The following TMEM255B variants were observed in gnomAD, a reference collection of about 807,000 sequenced individuals.
TMEM255B encodes transmembrane protein 255B, also known as family with sequence similarity 70, member B.
TMEM255B carries 35 observed loss-of-function variants against 34.5 expected under a neutral mutation model. The ratio of observed to expected loss-of-function variants is 1.01; its 90% CI spans 0.77 to 1.34. The LOEUF (loss-of-function observed/expected upper bound fraction) is 1.34, where lower values mean the gene tolerates loss of function less well. Among genes scored for constraint, TMEM255B ranks in the 40% most tolerant of loss-of-function variants. The probability of loss-of-function intolerance (pLI) is 0.00; values close to 1 mark genes in which losing one functional copy is unlikely to be tolerated. For missense variants in TMEM255B, 432 were observed against 433.2 expected (o/e 1.00, Z 0.02); for synonymous variants, 206 against 201.2 (o/e 1.02, Z -0.20).
At chr13:113,777,446 G>C (rs898776767) in intron 3 of TMEM255B, among the ~76,000 whole-genome samples, 3 of 152,178 alleles carry the variant, frequency 2.0e-5, no homozygotes, top group Non-Finnish European at 2.9e-5. Flanking sequence ...CAGTGGCGGA[G>C]GCTGCCAGCT....
At chr13:113,801,536 G>A in intron 6 of TMEM255B, 117 bp from the exon 7 acceptor site, 1 of 1,218,952 alleles carries the variant, frequency 8.2e-7, no homozygotes, top group Admixed American at 2.8e-5. Flanking sequence ...CGTTGACTGG[G>A]CTCCAGCCCT....
intron 4 of TMEM255B, 117 bp downstream of exon 4, chr13:113,795,354 C>T (rs541142736): frequency 2.8e-5 from 30 of 1,085,946 alleles, no homozygotes; most frequent in East Asian, 1.6e-4. Context: ...TCAGTCTCCA[C>T]GCTGGGGGTT....
chr13:113,812,084 G>A lies in TMEM255B; in HGVS notation c.*181G>A. ...AGGCTGGAACCAGGCAGGGAGTGGG[G>A]CCCTCCAGACCCAGGCTGGTGACAC... is the stretch of plus-strand genomic sequence containing the variant. On this transcript the variant is annotated 3_prime_UTR_variant, in exon 9 of 9. Transcript: ENST00000375353. The A allele has an allele frequency of 1.2e-5, 9 of 775,648 alleles. No homozygotes were observed. The South Asian group carries it at 1.7e-4, about 15-fold the overall frequency. 48.0% of individuals were successfully genotyped at this position (775,648 alleles called of 1,614,324 possible).
At position 113,773,318 on chromosome 13, in the gene TMEM255B, C is replaced by T. The variant is rs373430856; in HGVS notation, c.252+4158C>T. Among the ~76,000 whole-genome samples, 6 of 152,198 alleles carry T rather than the reference C, an allele frequency of 3.9e-5. 1 individual carries two copies. The East Asian group carries it at 1.2e-3, about 29-fold the overall frequency. On this transcript the variant is annotated intron_variant, in intron 3 of 8. Transcript: ENST00000375353. ...ACCCTGTGGAACTCATTTCTTTGTT[C>T]TAGTAGTTCTTTAAAAAATGGATTC...
intron 4 of TMEM255B, among the ~76,000 whole-genome samples, chr13:113,797,387 G>T (rs910942747): frequency 1.3e-5 from 2 of 152,214 alleles, no homozygotes; most frequent in Non-Finnish European, 2.9e-5. Flanking sequence ...GGGGAGATGC[G>T]TGCCTTCCAA....
intron 3 of TMEM255B, among the ~76,000 whole-genome samples, chr13:113,772,870 G>A (rs376668198): frequency 3.3e-5 from 5 of 152,108 alleles, no homozygotes; most frequent in East Asian, 3.9e-4. Flanking sequence ...TCAGGATTAC[G>A]TTGGCAATTC....
At chr13:113,761,523 A>G (rs553532816) in intron 1 of TMEM255B, among the ~76,000 whole-genome samples, 15 of 152,266 alleles carry the variant, frequency 9.9e-5, no homozygotes, top group African/African-American at 3.4e-4. Context: ...TAGAATTAGA[A>G]AAATCAGCGC....
intron 2 of TMEM255B, chr13:113,768,343 G>A (rs997633262): frequency 1.4e-5 from 6 of 437,626 alleles, no homozygotes; most frequent in African/African-American, 2.0e-5. Context: ...CTGCCAGGAC[G>A]GGCCCTGGGT....
intron 8 of TMEM255B, among the ~76,000 whole-genome samples, chr13:113,809,361 A>T (rs1303803143): frequency 5.1e-5 from 2 of 38,944 alleles, no homozygotes; most frequent in Non-Finnish European, 9.1e-5. Flanking sequence ...TCCTGGGGGG[A>T]GGGGTTACTC....
At position 113,814,233 on chromosome 13, in the gene TMEM255B, G is replaced by C. The variant is rs2051379699; in HGVS notation, c.*2330G>C. 6.6e-6 allele frequency: 1 copy of C among 152,266 alleles called. No homozygotes were observed. The highest frequency in any genetic ancestry group is 2.4e-5 in the African/African-American group (1 of 41,460). 9.4% of individuals were successfully genotyped at this position (152,266 alleles called of 1,614,324 possible). On this transcript the variant is annotated 3_prime_UTR_variant, in exon 9 of 9. Transcript: ENST00000375353. Reference sequence around the variant, plus strand: ...AGCAGAGAAGCTGAACTGCAGGTCTGGGCAGGGAGTCTATGCCCCCTGGAG... The same window carrying C: ...AGCAGAGAAGCTGAACTGCAGGTCTCGGCAGGGAGTCTATGCCCCCTGGAG...
At position 113,785,143 on chromosome 13, in the gene TMEM255B, A is replaced by G. The variant is rs368335412; in HGVS notation, c.253-10005A>G. Among the ~76,000 whole-genome samples, 70 of 130,428 alleles carry G rather than the reference A, an allele frequency of 5.4e-4. No individual in the cohort carries two copies. The East Asian group carries it at 0.012, about 22-fold the overall frequency. 85.6% of individuals were successfully genotyped at this position (130,428 alleles called of 152,430 possible). The stretch of plus-strand genomic sequence containing the variant: ...ATTTGTGGTTTATGGTCATGCTGAC[A>G]TTAGTCAGTAAGTTGATGTTTCTGG... On this transcript the variant is annotated intron_variant, in intron 3 of 8. Transcript: ENST00000375353.
chr13:113,760,581 G>C (rs1202478938), intron 1 of TMEM255B, among the ~76,000 whole-genome samples: 3 of 152,120 alleles, frequency 2.0e-5, no homozygotes, highest in East Asian at 3.9e-4. Context: ...GTGTGTCTGG[G>C]GTTGGATTAT....
At chr13:113,759,742 G>A (rs2050265366) in intron 1 of TMEM255B, among the ~76,000 whole-genome samples, 1 of 152,140 alleles carries the variant, frequency 6.6e-6, no homozygotes, top group African/African-American at 2.4e-5. Context: ...GGAAAACTTC[G>A]TTTGGAAGAG....
intron 3 of TMEM255B, among the ~76,000 whole-genome samples, chr13:113,790,150 A>AAG (rs1566733412): frequency 9.7e-6 from 1 of 102,718 alleles, no homozygotes; most frequent in Non-Finnish European, 2.1e-5. Flanking sequence ...GACCGGGCAC[A>AAG]TGGACATCCT....
At chr13:113,778,010 C>T (rs1405801151) in intron 3 of TMEM255B, among the ~76,000 whole-genome samples, 3 of 152,242 alleles carry the variant, frequency 2.0e-5, no homozygotes, top group Non-Finnish European at 4.4e-5. Context: ...GAGCCCACAG[C>T]TGCCTGTGCC....
At chr13:113,808,985 T>C (rs1236573568) in intron 8 of TMEM255B, among the ~76,000 whole-genome samples, 11 of 142,724 alleles carry the variant, frequency 7.7e-5, no homozygotes, top group Admixed American at 7.6e-4. Context: ...GGGAGATTAC[T>C]CTGGTTCCTG....
intron 8 of TMEM255B, 48 bp from the exon 9 acceptor site, chr13:113,811,688 A>G (rs771186815): frequency 1.9e-6 from 3 of 1,608,626 alleles, no homozygotes; most frequent in Non-Finnish European, 2.5e-6. Flanking sequence ...GTGGTCCGGC[A>G]CGGGGTGGTC....
At chr13:113,808,095 C>T (rs757412008) in intron 8 of TMEM255B, among the ~76,000 whole-genome samples, 1 of 152,100 alleles carries the variant, frequency 6.6e-6, no homozygotes, top group Non-Finnish European at 1.5e-5. Flanking sequence ...CTCATGTGCT[C>T]CTCAGAAGAA....
At chr13:113,807,668 G>T in intron 8 of TMEM255B, among the ~76,000 whole-genome samples, 1 of 142,314 alleles carries the variant, frequency 7.0e-6, no homozygotes, top group Non-Finnish European at 1.5e-5. Flanking sequence ...GATGTGGGGG[G>T]CGGTCCTCCC....
Sources: gnomAD v4.1 joint callset for allele counts (sites outside exome capture counted in the v4.1 genomes callset) on GRCh38, gnomAD v4.1.1 for gene constraint, MANE v1.5 for transcripts, NCBI Gene and HGNC (gene_info 2026-07-23, HGNC 2026-07-21) for gene names.